Variants in STXBP5L observed in about 807,000 individuals in gnomAD.
STXBP5L encodes syntaxin-binding protein 5-like.
STXBP5L carries 65 observed loss-of-function variants against 144.5 expected under a neutral mutation model. The ratio of observed to expected loss-of-function variants is 0.45; its 90% CI spans 0.37 to 0.55. STXBP5L has a LOEUF of 0.55. STXBP5L is among the 20% of genes least tolerant of loss of function. The pLI is 0.00. For missense variants in STXBP5L, 1,298 were observed against 1,405.5 expected, an observed-to-expected ratio of 0.92 and a Z score of 1.22; for synonymous variants, 505 against 469.6, an observed-to-expected ratio of 1.08 and a Z score of -0.97.
intron 3 of STXBP5L, among the ~76,000 whole-genome samples, chr3:120,977,941 T>A (rs543465316): frequency 1.7e-4 from 26 of 152,248 alleles, no homozygotes; most frequent in Non-Finnish European, 2.9e-4. Context: ...CTTCCCTTTG[T>A]GGGTAACCCG....
rs759338212 is a variant in STXBP5L at position 121,248,132 on chromosome 3, C to T, written c.1401-2591C>T. ...TGGCTGGAGTGCAGTGGCACAGTCT[C>T]GGCTCACTACAATCTCTGTCTCCTG... is the stretch of plus-strand genomic sequence containing the variant. On this transcript the variant is annotated intron_variant, in intron 14 of 26. Transcript: ENST00000471454. Among the ~76,000 whole-genome samples, 17 of 152,176 alleles carry T rather than the reference C, an allele frequency of 1.1e-4. No individual in the cohort carries two copies. The East Asian group carries it at 2.1e-3, about 19-fold the overall frequency.
At chr3:121,132,750 T>C (rs1185868661) in intron 7 of STXBP5L, among the ~76,000 whole-genome samples, 1 of 151,840 alleles carries the variant, frequency 6.6e-6, no homozygotes. Context: ...AATAATGCAA[T>C]TCATGAACAA....
intron 3 of STXBP5L, among the ~76,000 whole-genome samples, chr3:121,031,013 C>T (rs1243642936): frequency 2.0e-5 from 3 of 152,078 alleles, no homozygotes; most frequent in Admixed American, 6.6e-5. Context: ...TGTATTGACA[C>T]TCTTAAAACA....
intron 3 of STXBP5L, among the ~76,000 whole-genome samples, chr3:120,999,629 T>G (rs1224286597): frequency 2.0e-5 from 3 of 150,344 alleles, no homozygotes; most frequent in African/African-American, 4.9e-5. Flanking sequence ...TTAGCTGGGG[T>G]TTTTTTTTGT....
At chr3:120,972,741 C>G (rs1470252451) in intron 3 of STXBP5L, among the ~76,000 whole-genome samples, 1 of 151,826 alleles carries the variant, frequency 6.6e-6, no homozygotes, top group Non-Finnish European at 1.5e-5. Flanking sequence ...AGATATGCTC[C>G]TTGTATGCCT....
At chr3:120,962,539 T>C (rs978388541) in intron 3 of STXBP5L, among the ~76,000 whole-genome samples, 1 of 152,192 alleles carries the variant, frequency 6.6e-6, no homozygotes, top group African/African-American at 2.4e-5. Context: ...AGGGAATCCT[T>C]TCCCCATTTC....
chr3:121,352,694 C>T (rs901012216), intron 20 of STXBP5L, among the ~76,000 whole-genome samples: 14 of 151,864 alleles, frequency 9.2e-5, no homozygotes, highest in African/African-American at 3.4e-4. Context: ...GCCTGATTGC[C>T]CTGGCCAGAA....
At chr3:121,277,889 C>T (rs1559929755) in intron 18 of STXBP5L, among the ~76,000 whole-genome samples, 1 of 151,940 alleles carries the variant, frequency 6.6e-6, no homozygotes, top group Admixed American at 6.6e-5. Context: ...TATTCTTAGC[C>T]TTGTGTGAGC....
intron 15 of STXBP5L, among the ~76,000 whole-genome samples, chr3:121,251,192 C>G (rs1423156330): frequency 6.6e-6 from 1 of 152,158 alleles, no homozygotes; most frequent in African/African-American, 2.4e-5. Context: ...ACTATAAGAA[C>G]TCTTTTTAAA....
At chr3:121,113,672 C>CTTTT (rs1231857211) in intron 5 of STXBP5L, among the ~76,000 whole-genome samples, 23 of 122,568 alleles carry the variant, frequency 1.9e-4, no homozygotes, top group Non-Finnish European at 2.5e-4. Context: ...TTTTCTTTTT[C>CTTTT]TTTTTTTTTT....
At chr3:121,202,923 C>T (rs983409894) in intron 9 of STXBP5L, among the ~76,000 whole-genome samples, 2 of 151,554 alleles carry the variant, frequency 1.3e-5, no homozygotes, top group African/African-American at 4.8e-5. Flanking sequence ...ATGTTTTTTT[C>T]AAATTTAGGA....
rs1391529048 is a variant in STXBP5L at position 121,313,760 on chromosome 3, C to A, written c.2111-4715C>A. 1.3e-4 allele frequency among the ~76,000 whole-genome samples: 17 copies of A among 135,870 alleles called. 1 individual carries two copies. The highest frequency in any genetic ancestry group is 3.3e-4 in the African/African-American group (12 of 35,880). The allele number at this position is 135,870 out of a possible 152,430, so 89.1% of individuals were successfully genotyped here. On this transcript the variant is annotated intron_variant, in intron 19 of 26. Transcript: ENST00000471454. ...TGACCCCCCCCACCTCCCTCCCGGA[C>A]GGGGTGGCTGCCGGGCGGAGACGCT...
At chr3:121,220,154 C>T (rs2048930404) in intron 10 of STXBP5L, among the ~76,000 whole-genome samples, 1 of 152,134 alleles carries the variant, frequency 6.6e-6, no homozygotes, top group African/African-American at 2.4e-5. Context: ...TAACCCTTGG[C>T]AACCACTGAT....
At chr3:121,247,099 G>C (rs1304405315) in intron 14 of STXBP5L, among the ~76,000 whole-genome samples, 1 of 152,178 alleles carries the variant, frequency 6.6e-6, no homozygotes, top group African/African-American at 2.4e-5. Context: ...GAATAAAGCT[G>C]TTAAAGTAGA....
rs546836612 is a variant in STXBP5L, at chr3:121,063,357, C to G, written c.470+17822C>G. Among the ~76,000 whole-genome samples the G allele has an allele frequency of 4.1e-4, 63 of 152,262 alleles. 1 individual carries two copies. The highest frequency in any genetic ancestry group is 3.3e-4 in the Admixed American group (5 of 15,294). On this transcript the variant is annotated intron_variant, in intron 5 of 26. Transcript: ENST00000471454. ...GAACAGCAAAGATTGCTGCCTGTTT[C>G]TTTTTCTGTAAGCTTCATCCCAAAG... is the stretch of plus-strand genomic sequence containing the variant.
At chr3:121,211,578 C>CTT (rs1188424283) in intron 10 of STXBP5L, among the ~76,000 whole-genome samples, 7,381 of 110,156 alleles carry the variant, frequency 0.067, 621 homozygotes, top group African/African-American at 0.12. Context: ...TTTTTTCTTT[C>CTT]TTTTTTTTTT....
At chr3:120,977,560 G>A (rs1174380090) in intron 3 of STXBP5L, among the ~76,000 whole-genome samples, 1 of 152,088 alleles carries the variant, frequency 6.6e-6, no homozygotes, top group East Asian at 1.9e-4. Context: ...AGTTAATATT[G>A]TTATGTGTGA....
chr3:121,038,106 T>G (rs1946885173), intron 3 of STXBP5L, among the ~76,000 whole-genome samples: 1 of 151,966 alleles, frequency 6.6e-6, no homozygotes, highest in Non-Finnish European at 1.5e-5. Flanking sequence ...TTGGTTTCAC[T>G]TTTTTTAAAT....
intron 4 of STXBP5L, among the ~76,000 whole-genome samples, chr3:121,043,449 G>A (rs778515239): frequency 3.3e-5 from 5 of 150,606 alleles, no homozygotes; most frequent in Non-Finnish European, 4.5e-5. Flanking sequence ...GGTGGCTCAC[G>A]CCTGTAATCC....
Sources: gnomAD v4.1 joint callset for allele counts (sites outside exome capture counted in the v4.1 genomes callset) on GRCh38, gnomAD v4.1.1 for gene constraint, MANE v1.5 for transcripts, NCBI Gene and HGNC (gene_info 2026-07-23, HGNC 2026-07-21) for gene names.